Variants in LYPLAL1 observed in about 807,000 individuals in gnomAD.
LYPLAL1 encodes lysophospholipase-like protein 1.
A neutral mutation model predicts 19.7 loss-of-function variants in LYPLAL1; 23 were observed. That is an observed-to-expected ratio of 1.17 (90% CI 0.84 to 1.65). The LOEUF is 1.65. Ranked by LOEUF, LYPLAL1 falls within the 40% of genes most tolerant of loss-of-function variation. The pLI, the probability that LYPLAL1 is intolerant of heterozygous loss-of-function variation, is 0.00. For missense variants in LYPLAL1, 355 were observed against 279.4 expected (o/e 1.27, Z -1.93); for synonymous variants, 119 against 96.3 (o/e 1.24, Z -1.38).
chr1:219,380,892 T>A, the LYPLAL1 span, among the ~76,000 whole-genome samples: 48 of 152,292 alleles, frequency 3.2e-4, no homozygotes, highest in African/African-American at 1.1e-3. Flanking sequence ...TAAAATTGTA[T>A]TTATGCAAAA....
At chr1:219,398,723 G>A in the LYPLAL1 span, among the ~76,000 whole-genome samples, 3 of 152,112 alleles carry the variant, frequency 2.0e-5, no homozygotes, top group Admixed American at 2.0e-4. Flanking sequence ...CCTTTGAATT[G>A]TTTTTCTATT....
the LYPLAL1 span, among the ~76,000 whole-genome samples, chr1:219,325,748 A>C: frequency 6.6e-6 from 1 of 152,082 alleles, no homozygotes; most frequent in Non-Finnish European, 1.5e-5. Context: ...TCCTCAGCCC[A>C]CTTAGCACAT....
At chr1:219,249,515 T>C in the LYPLAL1 span, among the ~76,000 whole-genome samples, 1 of 152,010 alleles carries the variant, frequency 6.6e-6, no homozygotes, top group Non-Finnish European at 1.5e-5. Flanking sequence ...AATATTCTTA[T>C]GCATGTCTCT....
the LYPLAL1 span, among the ~76,000 whole-genome samples, chr1:219,378,873 G>C: frequency 6.6e-6 from 1 of 152,128 alleles, no homozygotes; most frequent in East Asian, 1.9e-4. Flanking sequence ...TTTGAGTTCT[G>C]AACTCATGCA....
chr1:219,177,299 A>T (rs1655895801), intron 1 of LYPLAL1, among the ~76,000 whole-genome samples: 1 of 152,144 alleles, frequency 6.6e-6, no homozygotes, highest in Admixed American at 6.5e-5. Context: ...AAAGTCAGGT[A>T]AGCATTTTAG....
chr1:219,386,218 C>G, the LYPLAL1 span, among the ~76,000 whole-genome samples: 4 of 152,178 alleles, frequency 2.6e-5, no homozygotes, highest in Admixed American at 1.3e-4. Context: ...GTGTTACACC[C>G]TTTCCTTGAC....
the LYPLAL1 span, among the ~76,000 whole-genome samples, chr1:219,326,945 C>T: frequency 3.2e-4 from 49 of 152,210 alleles, no homozygotes; most frequent in African/African-American, 1.2e-3. Context: ...CAGTAAACAA[C>T]AGCAGGGGCC....
chr1:219,179,609 A>G (rs962976288), intron 2 of LYPLAL1, among the ~76,000 whole-genome samples: 1 of 152,236 alleles, frequency 6.6e-6, no homozygotes, highest in African/African-American at 2.4e-5. Context: ...TCTTTCTAAT[A>G]ATTTAGTTAA....
chr1:219,379,577 A>G, the LYPLAL1 span, among the ~76,000 whole-genome samples: 3 of 152,212 alleles, frequency 2.0e-5, no homozygotes, highest in African/African-American at 4.8e-5. Flanking sequence ...ATGTCTCATC[A>G]AAGTCATTCT....
chr1:219,212,288 T>C lies in LYPLAL1; in HGVS notation c.*560T>C, dbSNP rs1482976135. On this transcript the variant is annotated 3_prime_UTR_variant, in exon 5 of 5. Transcript: ENST00000366928. ...TGCAGGTCAAGACAAGAAATTCAGG[T>C]CTCCTAATTCTCAGTGGAGCTCTAT... The C allele has an allele frequency of 6.6e-6, 1 of 152,028 alleles. No homozygotes were observed. The highest frequency in any genetic ancestry group is 2.4e-5 in the African/African-American group (1 of 41,420). The allele number at this position is 152,028 out of a possible 1,614,324, so 9.4% of individuals were successfully genotyped here.
At chr1:219,386,658 T>G in the LYPLAL1 span, among the ~76,000 whole-genome samples, 1 of 152,188 alleles carries the variant, frequency 6.6e-6, no homozygotes, top group Middle Eastern at 3.2e-3. Context: ...TGTACCCAGA[T>G]CTTCTTTCTT....
the LYPLAL1 span, among the ~76,000 whole-genome samples, chr1:219,350,609 C>T: frequency 6.6e-6 from 1 of 151,728 alleles, no homozygotes; most frequent in Admixed American, 6.6e-5. Flanking sequence ...TGAGTGAGCA[C>T]CTTGGAGAAT....
At chr1:219,416,955 G>C in the LYPLAL1 span, among the ~76,000 whole-genome samples, 1 of 152,202 alleles carries the variant, frequency 6.6e-6, no homozygotes, top group Non-Finnish European at 1.5e-5. Context: ...GAAGGCTACA[G>C]AGGCAAAGTG....
At chr1:219,315,622 A>T in the LYPLAL1 span, among the ~76,000 whole-genome samples, 2 of 152,222 alleles carry the variant, frequency 1.3e-5, no homozygotes, top group Non-Finnish European at 2.9e-5. Flanking sequence ...AACCCCAAAC[A>T]CAATTTGAAA....
At chr1:219,354,789 A>G in the LYPLAL1 span, among the ~76,000 whole-genome samples, 1 of 152,202 alleles carries the variant, frequency 6.6e-6, no homozygotes, top group Non-Finnish European at 1.5e-5. Context: ...TAAGGAAACC[A>G]ATTATAGATA....
chr1:219,408,794 A>G, the LYPLAL1 span, among the ~76,000 whole-genome samples: 1 of 152,168 alleles, frequency 6.6e-6, no homozygotes, highest in Non-Finnish European at 1.5e-5. Flanking sequence ...TGGTTGAGAA[A>G]AGGTCTAGTG....
the LYPLAL1 span, among the ~76,000 whole-genome samples, chr1:219,412,857 A>T: frequency 6.6e-6 from 1 of 152,238 alleles, no homozygotes; most frequent in Non-Finnish European, 1.5e-5. Flanking sequence ...ACAACGAAAG[A>T]GATAAATGCA....
the LYPLAL1 span, among the ~76,000 whole-genome samples, chr1:219,303,940 A>G: frequency 6.6e-6 from 1 of 152,206 alleles, no homozygotes; most frequent in Non-Finnish European, 1.5e-5. Flanking sequence ...AATTTTTAAC[A>G]GTATTACCCA....
chr1:219,207,998 T>G (rs1255197133), intron 3 of LYPLAL1, among the ~76,000 whole-genome samples: 1 of 152,032 alleles, frequency 6.6e-6, no homozygotes, highest in East Asian at 1.9e-4. Flanking sequence ...CATCTCTTCC[T>G]CTCTCACATT....
Sources: allele counts gnomAD v4.1 joint callset (sites outside exome capture counted in the v4.1 genomes callset), GRCh38; gene constraint gnomAD v4.1.1; transcripts MANE v1.5; gene names NCBI Gene and HGNC (gene_info 2026-07-23, HGNC 2026-07-21).